MICU3: variants seen among roughly 807,000 people sequenced by gnomAD.
MICU3 encodes the protein calcium uptake protein 3, mitochondrial.
Under a neutral mutation model 66.5 loss-of-function variants are expected in MICU3, and 62 were observed. That is an observed-to-expected ratio of 0.93 (90% confidence interval 0.76 to 1.15). The LOEUF (loss-of-function observed/expected upper bound fraction) is 1.15, where lower values mean the gene tolerates loss of function less well. Among genes scored for constraint, MICU3 ranks in the 50% most tolerant of loss-of-function variants. The pLI, the probability that MICU3 is intolerant of heterozygous loss-of-function variation, is 0.00. For synonymous variants in MICU3, 308 were observed against 240.7 expected (o/e 1.28, Z -2.59); for missense variants, 779 against 664.4 (o/e 1.17, Z -1.90).
intron 1 of MICU3, among the ~76,000 whole-genome samples, chr8:17,061,280 A>G (rs996427320): frequency 6.6e-6 from 1 of 152,170 alleles, no homozygotes; most frequent in African/African-American, 2.4e-5. Context: ...TCACATTCCC[A>G]GCTGCAGTGG....
chr8:17,109,768 G>A (rs1386372325), intron 11 of MICU3, among the ~76,000 whole-genome samples: 1 of 152,046 alleles, frequency 6.6e-6, no homozygotes, highest in African/African-American at 2.4e-5. Flanking sequence ...AAATGCCATG[G>A]GACTAGGTAA....
At chr8:17,118,365 T>C (rs1471520138) in intron 13 of MICU3, among the ~76,000 whole-genome samples, 1 of 152,192 alleles carries the variant, frequency 6.6e-6, no homozygotes, top group African/African-American at 2.4e-5. Flanking sequence ...GGAATGATTA[T>C]ATCAAACTTA....
chr8:17,047,617 G>A (rs189439160), intron 1 of MICU3, among the ~76,000 whole-genome samples: 368 of 152,328 alleles, frequency 2.4e-3, no homozygotes, highest in African/African-American at 8.5e-3. Context: ...CAGTTGACCT[G>A]ATTATAGACG....
chr8:17,055,709 T>G (rs1349887469), intron 1 of MICU3, among the ~76,000 whole-genome samples: 7 of 152,204 alleles, frequency 4.6e-5, no homozygotes, highest in Non-Finnish European at 8.8e-5. Flanking sequence ...TCTGAATGAC[T>G]ATATAAAGCA....
intron 9 of MICU3, 84 bp downstream of exon 9, chr8:17,098,637 A>G (rs1800981878): frequency 6.8e-6 from 6 of 878,004 alleles, no homozygotes; most frequent in Non-Finnish European, 1.1e-5. Flanking sequence ...ACAGTGATGA[A>G]ACCCAACATG....
intron 4 of MICU3, among the ~76,000 whole-genome samples, chr8:17,078,753 C>A (rs1018347929): frequency 6.6e-6 from 1 of 151,848 alleles, no homozygotes; most frequent in Non-Finnish European, 1.5e-5. Context: ...ATTGCTTCCA[C>A]GTGGTTTACA....
chr8:17,066,544 T>TATATATATATATATA (rs1491234403), intron 2 of MICU3, among the ~76,000 whole-genome samples: 10 of 61,480 alleles, frequency 1.6e-4, no homozygotes, highest in African/African-American at 1.0e-3. Flanking sequence ...TATATATAGA[T>TATATATATATATATA]TTTTTTTTTT....
Position 17,122,096 on chromosome 8 carries a change from A to AT in MICU3, c.*1813dup, listed in dbSNP as rs1159711270. ...CATTGAAATCCTTTATAATTCTGTC[A>AT]TTTTCCCAAGGAAGAATAGCATTGT... is the stretch of plus-strand genomic sequence containing the variant. On this transcript the variant is annotated 3_prime_UTR_variant, in exon 15 of 15. Transcript: ENST00000318063. 1 of 151,786 alleles carries AT rather than the reference A, an allele frequency of 6.6e-6. No homozygotes were observed. The highest frequency in any genetic ancestry group is 1.5e-5 in the Non-Finnish European group (1 of 67,746). The allele number at this position is 151,786 out of a possible 1,614,324, so 9.4% of individuals were successfully genotyped here.
Position 17,112,140 on chromosome 8 carries a change from G to A in MICU3, c.1258-1953G>A, listed in dbSNP as rs1302505573. Among the ~76,000 whole-genome samples, 10 of 152,204 alleles carry A rather than the reference G, an allele frequency of 6.6e-5. No homozygotes were observed. The South Asian group carries it at 2.1e-3, about 32-fold the overall frequency. ...TAGGTCCCTCCCTCCCTGGACACGT[G>A]GGGATTGCAATTTGAGATGAGATTT... On this transcript the variant is annotated intron_variant, in intron 11 of 14. Coordinates refer to ENST00000318063, the MANE Select transcript of MICU3 (RefSeq NM_181723.3).
Position 17,027,485 on chromosome 8 carries a change from T to G in MICU3, c.206T>G (p.Val69Gly), listed in dbSNP as rs1056279904. The G allele has an allele frequency of 1.6e-5, 21 of 1,282,310 alleles. No homozygotes were observed. The highest frequency in any genetic ancestry group is 2.0e-5 in the Non-Finnish European group (20 of 1,019,192). 79.4% of individuals were successfully genotyped at this position (1,282,310 alleles called of 1,614,324 possible). ...RRRRRWGELSVAAAAGGGLVG... is the reference protein window; with the variant it reads ...RRRRRWGELSGAAAAGGGLVG... The stretch of plus-strand genomic sequence containing the variant: ...CGGCGGCGCTGGGGGGAGCTGAGCG[T>G]GGCGGCGGCGGCCGGCGGGGGGCTG... The change falls in exon 1 of 15, where the codon GTG (valine) becomes GGG (glycine). Residue 69 changes from valine to glycine, a missense_variant. Physicochemically the swap from Val to Gly is moderately radical, Grantham distance 109. Coordinates refer to ENST00000318063, the MANE Select transcript of MICU3 (RefSeq NM_181723.3).
intron 11 of MICU3, among the ~76,000 whole-genome samples, chr8:17,110,698 G>T (rs775895154): frequency 6.6e-5 from 10 of 151,956 alleles, no homozygotes; most frequent in Admixed American, 2.0e-4. Context: ...CAGGGAGCTG[G>T]GACTATAGGC....
intron 1 of MICU3, among the ~76,000 whole-genome samples, chr8:17,041,305 C>T (rs1401143248): frequency 6.7e-6 from 1 of 149,410 alleles, no homozygotes; most frequent in East Asian, 2.0e-4. Flanking sequence ...CCATGGAAGT[C>T]AAAAAAAGGT....
At chr8:17,061,725 A>G (rs924491733) in intron 1 of MICU3, among the ~76,000 whole-genome samples, 5 of 152,138 alleles carry the variant, frequency 3.3e-5, no homozygotes, top group Non-Finnish European at 7.4e-5. Context: ...GTAGAAAAGT[A>G]AACTCTAGTC....
chr8:17,092,721 A>T (rs189219201), intron 8 of MICU3, among the ~76,000 whole-genome samples: 1 of 152,202 alleles, frequency 6.6e-6, no homozygotes, highest in African/African-American at 2.4e-5. Context: ...ACATTCATTT[A>T]CAATTAGAAA....
intron 9 of MICU3, among the ~76,000 whole-genome samples, chr8:17,103,246 G>A (rs982246672): frequency 3.3e-5 from 5 of 151,842 alleles, no homozygotes; most frequent in Non-Finnish European, 7.4e-5. Flanking sequence ...CCATCTTTAT[G>A]AAAGATTAGG....
intron 1 of MICU3, among the ~76,000 whole-genome samples, chr8:17,038,684 G>T (rs1813486685): frequency 6.6e-6 from 1 of 152,046 alleles, no homozygotes; most frequent in Admixed American, 6.6e-5. Flanking sequence ...AGACTTCATT[G>T]TTGACTTATT....
chr8:17,083,218 A>G (rs1354767226), intron 5 of MICU3, among the ~76,000 whole-genome samples: 1 of 152,062 alleles, frequency 6.6e-6, no homozygotes, highest in African/African-American at 2.4e-5. Flanking sequence ...CAGATGAGCC[A>G]GTTTATCGCT....
downstream of MICU3, among the ~76,000 whole-genome samples, chr8:17,123,759 A>G (rs1803328889): frequency 1.3e-5 from 2 of 152,194 alleles, no homozygotes; most frequent in South Asian, 4.1e-4. Flanking sequence ...TAATAACTGA[A>G]AAAAGTAGGA....
intron 9 of MICU3, chr8:17,102,530 A>G (rs1287449528): frequency 6.6e-6 from 1 of 151,886 alleles, no homozygotes; most frequent in Non-Finnish European, 1.5e-5. Context: ...AAAGTCAGTG[A>G]CCCATGTCTT....
Sources: gnomAD v4.1 joint callset for allele counts (sites outside exome capture counted in the v4.1 genomes callset) on GRCh38, gnomAD v4.1.1 for gene constraint, MANE v1.5 for transcripts, NCBI Gene and HGNC (gene_info 2026-07-23, HGNC 2026-07-21) for gene names.